The following RPS11 variants were observed in gnomAD, a reference collection of about 807,000 sequenced individuals.
RPS11 encodes small ribosomal subunit protein uS17.
For synonymous variants in RPS11, 107 were observed against 78.0 expected (o/e 1.37, Z -1.96); for missense variants, 127 against 211.4 (o/e 0.60, Z 2.48).
chr19:49,497,041 G>A (rs71353314), intron 1 of RPS11, 153 bp from the exon 2 acceptor site: 1 of 760,326 alleles, frequency 1.3e-6, no homozygotes. Context: ...TCATGTCTTA[G>A]AGGGTGATTC....
At chr19:49,499,225 T>C (rs2079922549) in intron 4 of RPS11, among the ~76,000 whole-genome samples, 1 of 152,076 alleles carries the variant, frequency 6.6e-6, no homozygotes, top group Admixed American at 6.5e-5. Flanking sequence ...GGAAGGGTGG[T>C]GAGGCTGCTG....
At position 49,499,536 on chromosome 19, in the gene RPS11, C is replaced by T. The variant is rs759897013; in HGVS notation, c.378C>T (p.Val126=). ...GGGACGTCCAGATCGGTGACATCGT[C>T]ACAGTGGGCGAGTGCCGGCCTCTGA... ...CFRDVQIGDI[V]TVGECRPLSK... The change falls in exon 5 of 5, where the codon GTC becomes GTT. Residue 126 remains valine, a synonymous_variant. Transcript: ENST00000270625. 1 of 1,613,792 alleles carries T rather than the reference C, an allele frequency of 6.2e-7. No homozygotes were observed. The highest frequency in any genetic ancestry group is 1.3e-5 in the African/African-American group (1 of 75,022).
At chr19:49,498,581 C>T (rs997122466) in intron 4 of RPS11, among the ~76,000 whole-genome samples, 1 of 151,958 alleles carries the variant, frequency 6.6e-6, no homozygotes, top group African/African-American at 2.4e-5. Context: ...GCAAAACCCT[C>T]TCTCTACAAA....
rs2079924512 is a variant in RPS11 at position 49,499,603 on chromosome 19, G to T, written c.445G>T (p.Ala149Ser). The T allele has an allele frequency of 6.2e-7, 1 of 1,613,758 alleles. No individual in the cohort carries two copies. The highest frequency in any genetic ancestry group is 8.5e-7 in the Non-Finnish European group (1 of 1,179,884). The part of the protein sequence containing the change: ...RFNVLKVTKA[A>S]GTKKQFQKF Reference sequence around the variant, plus strand: ...CAACGTGCTCAAGGTCACCAAGGCTGCCGGCACCAAGAAGCAGTTCCAGAA... The same window carrying T: ...CAACGTGCTCAAGGTCACCAAGGCTTCCGGCACCAAGAAGCAGTTCCAGAA... The change falls in exon 5 of 5, where the codon GCC (alanine) becomes TCC (serine). Residue 149 changes from alanine (A) to serine (S), a missense_variant. By Grantham distance (99) the Ala-to-Ser change is moderately conservative. Transcript: ENST00000270625.
chr19:49,497,625 C>T, intron 3 of RPS11, 30 bp downstream of exon 3: 4 of 1,593,932 alleles, frequency 2.5e-6, no homozygotes, highest in East Asian at 2.2e-5. Flanking sequence ...GTGTCTGGGG[C>T]CTGAAATACT....
chr19:49,497,632 T>TA, intron 3 of RPS11, 37 bp downstream of exon 3: 1 of 1,587,052 alleles, frequency 6.3e-7, no homozygotes, highest in Non-Finnish European at 8.7e-7. Flanking sequence ...GGGCCTGAAA[T>TA]ACTGAAAGAA....
chr19:49,499,637 G>T lies in RPS11; in HGVS notation c.*2G>T. ...AAGAAGCAGTTCCAGAAGTTCTGAG[G>T]CTGGACATCGGCCCGCTCCCCACAA... On this transcript the variant is annotated 3_prime_UTR_variant, in exon 5 of 5. Transcript: ENST00000270625. 1.9e-6 allele frequency: 3 copies of T among 1,613,036 alleles called. No homozygotes were observed. The highest frequency in any genetic ancestry group is 1.1e-5 in the South Asian group (1 of 91,036).
chr19:49,497,178 T>C lies in RPS11; in HGVS notation c.16-16T>C, dbSNP rs572739304. 2 of 1,611,212 alleles carry C rather than the reference T, an allele frequency of 1.2e-6. No homozygotes were observed. The highest frequency in any genetic ancestry group is 2.2e-5 in the South Asian group (2 of 91,028). On this transcript the variant is annotated splice_polypyrimidine_tract_variant and intron_variant, in intron 1 of 4. Transcript: ENST00000270625. ...CAAACTTAGCAGCTCATCAGTTTTC[T>C]CCTCATAATCTGTAGACTGAGCGTG...
At chr19:49,499,431 G>T in intron 4 of RPS11, 81 bp from the exon 5 acceptor site, 1 of 1,501,734 alleles carries the variant, frequency 6.7e-7, no homozygotes, top group Non-Finnish European at 9.1e-7. Flanking sequence ...AGAGCCTTTA[G>T]CCTGGTGAAG....
In RPS11 at chr19:49,497,452, C is replaced by T. The variant is rs191951126; in HGVS notation, c.148-68C>T. ...GGAATTGTAGTTGCTTCCCTGAGGC[C>T]ACGCCCCTGGCTCTTTTAAGGAACC... On this transcript the variant is annotated intron_variant, in intron 2 of 4. Coordinates refer to ENST00000270625, the MANE Select transcript of RPS11 (RefSeq NM_001015.5). The T allele has an allele frequency of 4.1e-5, 65 of 1,593,848 alleles. 1 individual carries two copies. The African/African-American group carries it at 5.9e-4, about 14-fold the overall frequency.
rs202006709 is a variant in RPS11 at position 49,497,897 on chromosome 19, T to C, written c.224-20T>C. On this transcript the variant is annotated intron_variant, in intron 3 of 4. Transcript: ENST00000270625. ...CCTCTTTCCCATGGGACCTGACCTA[T>C]GATCGGCCCCCGCTCCTAGGCGTGG... 3 of 1,614,084 alleles carry C rather than the reference T, an allele frequency of 1.9e-6. No homozygotes were observed. The African/African-American group carries it at 4.0e-5, about 22-fold the overall frequency.
At chr19:49,496,560 C>G (rs1157773592) in intron 1 of RPS11, 89 bp downstream of exon 1, 5 of 1,391,274 alleles carry the variant, frequency 3.6e-6, no homozygotes, top group Non-Finnish European at 4.9e-6. Flanking sequence ...CGGCCAAGTT[C>G]GGGGGTTAAT....
intron 4 of RPS11, 97 bp downstream of exon 4, chr19:49,498,143 C>A: frequency 1.5e-6 from 2 of 1,356,962 alleles, no homozygotes; most frequent in African/African-American, 1.4e-5. Context: ...GAGGGAAAGA[C>A]TGAGGTGGCA....
intron 2 of RPS11, 73 bp downstream of exon 2, chr19:49,497,398 C>G (rs927573765): frequency 3.6e-5 from 58 of 1,606,028 alleles, no homozygotes; most frequent in Non-Finnish European, 3.7e-5. Context: ...GTTGCCCTGC[C>G]TGCATCTAAG....
intron 2 of RPS11, 76 bp from the exon 3 acceptor site, chr19:49,497,444 C>T: frequency 1.3e-6 from 2 of 1,593,034 alleles, no homozygotes; most frequent in Non-Finnish European, 1.7e-6. Flanking sequence ...TAGTTGCTTC[C>T]CTGAGGCCAC....
rs774487647 is a variant in RPS11 at position 49,496,507 on chromosome 19, C to G, written c.15+36C>G. On this transcript the variant is annotated intron_variant, in intron 1 of 4. Coordinates refer to ENST00000270625, the MANE Select transcript of RPS11 (RefSeq NM_001015.5). ...GGGGTTGGATGCCAGGGTGCGGGGT[C>G]CGCCTTGGCCTTCAGGGGCGCGTCC... The G allele has an allele frequency of 2.1e-5, 34 of 1,594,634 alleles. No homozygotes were observed. In the Middle Eastern group the frequency reaches 5.0e-4, roughly 24 times the overall value.
intron 4 of RPS11, chr19:49,498,269 C>G: frequency 1.8e-6 from 1 of 556,810 alleles, no homozygotes; most frequent in Non-Finnish European, 3.2e-6. Context: ...TTGGAATGTT[C>G]TCGCATACAT....
Position 49,499,620 on chromosome 19 carries a change from G to C in RPS11, c.462G>C (p.Gln154His). 6.2e-7 allele frequency: 1 copy of C among 1,613,616 alleles called. No homozygotes were observed. The highest frequency in any genetic ancestry group is 1.3e-5 in the African/African-American group (1 of 75,034). The change falls in exon 5 of 5, where the codon CAG (glutamine) becomes CAC (histidine). Residue 154 changes from glutamine to histidine, a missense_variant. By Grantham distance (24) the Gln-to-His change is conservative (BLOSUM62 0). Coordinates refer to ENST00000270625, the MANE Select transcript of RPS11 (RefSeq NM_001015.5). ...CCAAGGCTGCCGGCACCAAGAAGCA[G>C]TTCCAGAAGTTCTGAGGCTGGACAT... ...KVTKAAGTKKQFQKF is the reference protein window; with the variant it reads ...KVTKAAGTKKHFQKF
chr19:49,497,098 G>A, intron 1 of RPS11, 96 bp from the exon 2 acceptor site: 2 of 1,443,958 alleles, frequency 1.4e-6, no homozygotes, highest in Admixed American at 2.1e-5. Flanking sequence ...TAAATGTAGA[G>A]CATGGGGTCT....
Sources: gnomAD v4.1 joint callset for allele counts (sites outside exome capture counted in the v4.1 genomes callset) on GRCh38, gnomAD v4.1.1 for gene constraint, MANE v1.5 for transcripts, NCBI Gene and HGNC (gene_info 2026-07-23, HGNC 2026-07-21) for gene names.